Variants in FRMD3 observed in about 807,000 individuals in gnomAD.
FRMD3 encodes FERM domain containing 3.
In FRMD3, 33 loss-of-function variants were observed where a neutral mutation model predicts 70.2. That is an observed-to-expected ratio of 0.47 (90% confidence interval 0.36 to 0.63). The LOEUF (loss-of-function observed/expected upper bound fraction) is 0.63. Ranked by LOEUF, FRMD3 falls within the 20% of genes least tolerant of loss-of-function variation. FRMD3 has a pLI of 0.00. For missense variants in FRMD3, 632 were observed against 711.4 expected (o/e 0.89, Z 1.27); for synonymous variants, 279 against 255.9 (o/e 1.09, Z -0.86).
At chr9:83,350,669 A>G (rs954164714) in intron 3 of FRMD3, 3 of 696,124 alleles carry the variant, frequency 4.3e-6, no homozygotes, top group Non-Finnish European at 5.3e-6. Flanking sequence ...GAAAGAAGAA[A>G]AAGAAAAAAA....
chr9:83,261,566 G>A (rs1312584768), intron 13 of FRMD3, among the ~76,000 whole-genome samples: 1 of 152,094 alleles, frequency 6.6e-6, no homozygotes, highest in Non-Finnish European at 1.5e-5. Context: ...CACTACTTGT[G>A]AGGGCCTAAA....
intron 1 of FRMD3, among the ~76,000 whole-genome samples, chr9:83,455,350 C>G (rs998604797): frequency 2.0e-5 from 3 of 152,126 alleles, no homozygotes; most frequent in Admixed American, 1.3e-4. Context: ...TCCCAGAATT[C>G]CCACATGTTG....
At chr9:83,563,191 C>G in the FRMD3 span, among the ~76,000 whole-genome samples, 1 of 152,048 alleles carries the variant, frequency 6.6e-6, no homozygotes, top group Non-Finnish European at 1.5e-5. Context: ...AAGTTGTTTT[C>G]TTTCAGCCCC....
chr9:83,542,901 C>CA (rs1830014840), upstream of FRMD3, among the ~76,000 whole-genome samples: 1 of 151,862 alleles, frequency 6.6e-6, no homozygotes. Flanking sequence ...CATTCACATG[C>CA]AAAAAAATGA....
At chr9:83,284,058 G>GTTTT (rs1563993854) in intron 13 of FRMD3, among the ~76,000 whole-genome samples, 3 of 79,316 alleles carry the variant, frequency 3.8e-5, no homozygotes, top group Admixed American at 1.7e-4. Context: ...AAGCTAGGAT[G>GTTTT]TTATTTTTTT....
the FRMD3 span, among the ~76,000 whole-genome samples, chr9:83,566,300 A>G: frequency 1.3e-5 from 2 of 152,142 alleles, no homozygotes; most frequent in African/African-American, 2.4e-5. Flanking sequence ...GGAAAGACCA[A>G]TGCCCATGGT....
At chr9:83,392,263 TCTCA>T (rs1426081636) in intron 1 of FRMD3, among the ~76,000 whole-genome samples, 1 of 152,100 alleles carries the variant, frequency 6.6e-6, no homozygotes, top group Non-Finnish European at 1.5e-5. Context: ...ACCCTCCATG[TCTCA>T]CTGCTTGGTG....
chr9:83,462,719 C>T (rs1226944645), intron 1 of FRMD3, among the ~76,000 whole-genome samples: 1 of 152,166 alleles, frequency 6.6e-6, no homozygotes, highest in Non-Finnish European at 1.5e-5. Flanking sequence ...GGAAGAGCTG[C>T]CATCTTCCAG....
At chr9:83,300,954 C>A (rs1834899997) in intron 10 of FRMD3, among the ~76,000 whole-genome samples, 1 of 152,156 alleles carries the variant, frequency 6.6e-6, no homozygotes, top group African/African-American at 2.4e-5. Context: ...TGCAAAGAAG[C>A]CCCTTCCCAC....
chr9:83,245,640 T>C lies in FRMD3; in HGVS notation c.*2278A>G, dbSNP rs1340400278. On this transcript the variant is annotated 3_prime_UTR_variant, in exon 14 of 14. Transcript: ENST00000304195. ...TAAGTATTTTACAATGGAAAATATA[T>C]TAGTTCCATAATTTAAAAAATATTA... The C allele has an allele frequency of 3.6e-6, 3 of 823,604 alleles. No homozygotes were observed. Among genetic ancestry groups the C allele is most frequent in the African/African-American group, 1.8e-5 (1 of 54,132 alleles). 51.0% of individuals were successfully genotyped at this position (823,604 alleles called of 1,614,324 possible). A position where few individuals can be genotyped will look rare whatever the true frequency, so the allele number is the denominator to read the frequency against.
intron 11 of FRMD3, 148 bp from the exon 12 acceptor site, chr9:83,298,964 C>T: frequency 1.0e-6 from 1 of 971,114 alleles, no homozygotes; most frequent in Non-Finnish European, 1.6e-6. Flanking sequence ...TTTGAGGGTG[C>T]CCTGTGAGCA....
chr9:83,437,954 G>A (rs1301256578), intron 1 of FRMD3, among the ~76,000 whole-genome samples: 1 of 152,172 alleles, frequency 6.6e-6, no homozygotes, highest in Non-Finnish European at 1.5e-5. Flanking sequence ...AAAGAGAGAA[G>A]GGGGCATGTG....
chr9:83,559,410 A>G, the FRMD3 span, among the ~76,000 whole-genome samples: 1 of 152,246 alleles, frequency 6.6e-6, no homozygotes, highest in Non-Finnish European at 1.5e-5. Flanking sequence ...AGACTACAGT[A>G]TTCTGTAAAC....
intron 7 of FRMD3, among the ~76,000 whole-genome samples, chr9:83,312,822 G>C (rs1049682334): frequency 2.0e-5 from 3 of 151,948 alleles, no homozygotes; most frequent in Admixed American, 2.0e-4. Context: ...ATGTGTTCTG[G>C]TCAGCAGGTG....
At chr9:83,515,315 G>A (rs974540039) in intron 1 of FRMD3, among the ~76,000 whole-genome samples, 12 of 152,218 alleles carry the variant, frequency 7.9e-5, no homozygotes, top group South Asian at 2.1e-4. Context: ...CGAAAGCTTC[G>A]TGAAGCATAC....
intron 1 of FRMD3, among the ~76,000 whole-genome samples, chr9:83,507,350 GAGCA>G (rs1467193345): frequency 5.5e-5 from 6 of 108,848 alleles, no homozygotes; most frequent in African/African-American, 1.8e-4. Context: ...CTGGGCAACA[GAGCA>G]AGACTCCGTC....
At chr9:83,560,065 T>C in the FRMD3 span, among the ~76,000 whole-genome samples, 2 of 152,326 alleles carry the variant, frequency 1.3e-5, no homozygotes, top group African/African-American at 2.4e-5. Context: ...CAGAGATTTC[T>C]AGCTGTCCAC....
At chr9:83,366,376 G>A (rs928286218) in intron 3 of FRMD3, among the ~76,000 whole-genome samples, 1 of 152,016 alleles carries the variant, frequency 6.6e-6, no homozygotes, top group African/African-American at 2.4e-5. Flanking sequence ...TTCAAGGCTA[G>A]CCTGACCAAC....
chr9:83,478,832 A>G (rs1450948680), intron 1 of FRMD3, among the ~76,000 whole-genome samples: 2 of 152,134 alleles, frequency 1.3e-5, no homozygotes, highest in Admixed American at 1.3e-4. Context: ...ATTGCCTTCA[A>G]GCAGAGTAAG....
Sources: allele counts gnomAD v4.1 joint callset (sites outside exome capture counted in the v4.1 genomes callset), GRCh38; gene constraint gnomAD v4.1.1; transcripts MANE v1.5; gene names NCBI Gene and HGNC (gene_info 2026-07-23, HGNC 2026-07-21).